AIMP2: variants seen among roughly 807,000 people sequenced by gnomAD.
AIMP2 encodes aminoacyl tRNA synthase complex-interacting multifunctional protein 2.
AIMP2 carries 20 observed loss-of-function variants against 23.4 expected under a neutral mutation model. That is an observed-to-expected ratio of 0.85 (90% confidence interval 0.60 to 1.24). The LOEUF is 1.24. AIMP2 is among the 50% of genes most tolerant of loss of function. The pLI is 0.00. For synonymous variants in AIMP2, 210 were observed against 170.4 expected (o/e 1.23, Z -1.81); for missense variants, 515 against 414.5 (o/e 1.24, Z -2.10).
Position 6,016,525 on chromosome 7 carries a change from G to A in AIMP2, c.342+1173G>A, listed in dbSNP as rs144923069. On this transcript the variant is annotated intron_variant, in intron 2 of 3. Coordinates refer to ENST00000223029, the MANE Select transcript of AIMP2 (RefSeq NM_006303.4). Reference sequence around the variant, plus strand: ...GGCATGCACTGAGGACTCAGATGAGGTGCAACCAGGCCCTCAGGGAGCCGG... The same window carrying A: ...GGCATGCACTGAGGACTCAGATGAGATGCAACCAGGCCCTCAGGGAGCCGG... 2.4e-3 allele frequency among the ~76,000 whole-genome samples: 365 copies of A among 152,274 alleles called. 2 individuals carry two copies. Among genetic ancestry groups the A allele is most frequent in the Non-Finnish European group, 2.9e-3 (197 of 68,038 alleles).
rs756425703 is a variant in AIMP2 at position 6,023,356 on chromosome 7, G to A, written c.628G>A (p.Glu210Lys). Reference protein sequence around the residue: ...SIQTMCPIEGEGNIARFLFSL... With the variant: ...SIQTMCPIEGKGNIARFLFSL... ...CCAGACGATGTGCCCCATCGAAGGC[G>A]AAGGGAACATTGCACGTTTCTTGTT... The change falls in exon 4 of 4, where the codon GAA (glutamate) becomes AAA (lysine). Residue 210 changes from glutamate (E) to lysine (K), a missense_variant. Coordinates refer to ENST00000223029, the MANE Select transcript of AIMP2 (RefSeq NM_006303.4). 47 of 1,612,764 alleles carry A rather than the reference G, an allele frequency of 2.9e-5. No homozygotes were observed. The highest frequency in any genetic ancestry group is 6.7e-5 in the African/African-American group (5 of 74,836).
At chr7:6,013,242 T>C (rs1198050846) in intron 1 of AIMP2, 1 of 147,974 alleles carries the variant, frequency 6.8e-6, no homozygotes, top group African/African-American at 2.5e-5. Flanking sequence ...GGGGGAGACA[T>C]TGACAATATC....
intron 1 of AIMP2, chr7:6,012,720 CAG>C: frequency 1.6e-6 from 1 of 617,784 alleles, no homozygotes; most frequent in Non-Finnish European, 2.4e-6. Context: ...CCACCAAGCC[CAG>C]CTAATTTTTG....
chr7:6,017,801 G>T lies in AIMP2; in HGVS notation c.343-13G>T. On this transcript the variant is annotated splice_polypyrimidine_tract_variant and intron_variant, in intron 2 of 3. Coordinates refer to ENST00000223029, the MANE Select transcript of AIMP2 (RefSeq NM_006303.4). Reference sequence around the variant, plus strand: ...ATGACTGTTATTCGTACATTGTCTTGGTCTTTCCCCAGGATTACGGGGCGC... The same window carrying T: ...ATGACTGTTATTCGTACATTGTCTTTGTCTTTCCCCAGGATTACGGGGCGC... The T allele has an allele frequency of 6.2e-7, 1 of 1,608,410 alleles. No homozygotes were observed. The highest frequency in any genetic ancestry group is 8.5e-7 in the Non-Finnish European group (1 of 1,176,354).
At chr7:6,018,072 TAC>T (rs773597195) in intron 3 of AIMP2, 27 bp downstream of exon 3, 1 of 1,569,270 alleles carries the variant, frequency 6.4e-7, no homozygotes, top group Admixed American at 1.7e-5. Context: ...GAGTTCAACT[TAC>T]ACACAGCTGC....
intron 2 of AIMP2, among the ~76,000 whole-genome samples, chr7:6,017,535 A>AAG (rs1787096851): frequency 6.6e-6 from 1 of 151,544 alleles, no homozygotes; most frequent in Admixed American, 6.6e-5. Flanking sequence ...AAAAAAAAAA[A>AAG]AAGTGTCATT....
chr7:6,014,802 C>G (rs541904522), intron 1 of AIMP2: 28 of 251,480 alleles, frequency 1.1e-4, no homozygotes, highest in Admixed American at 5.0e-4. Flanking sequence ...TCACTGCAAC[C>G]TCCACCTCCT....
chr7:6,023,680 C>T lies in AIMP2; in HGVS notation c.952C>T (p.Leu318Phe), dbSNP rs1420707837. Reference protein sequence around the residue: ...NLAPFNTALKLLK With the variant: ...NLAPFNTALKFLK ...GGCTCCTTTTAACACGGCCCTCAAG[C>T]TCCTTAAGTGAATTGCCGTAACTGA... The change falls in exon 4 of 4, where the codon CTC becomes TTC. Residue 318 changes from leucine (L) to phenylalanine (F), a missense_variant. Transcript: ENST00000223029. 1.1e-5 allele frequency: 18 copies of T among 1,613,994 alleles called. No individual in the cohort carries two copies. Among genetic ancestry groups the T allele is most frequent in the Admixed American group, 1.7e-5 (1 of 59,974 alleles).
chr7:6,021,307 C>T (rs933294404), intron 3 of AIMP2, among the ~76,000 whole-genome samples: 1 of 142,392 alleles, frequency 7.0e-6, no homozygotes, highest in African/African-American at 2.6e-5. Flanking sequence ...CCACTGCACT[C>T]CAGCCTGGGT....
At chr7:6,021,283 G>A (rs1787390929) in intron 3 of AIMP2, among the ~76,000 whole-genome samples, 1 of 141,962 alleles carries the variant, frequency 7.0e-6, no homozygotes, top group South Asian at 2.3e-4. Flanking sequence ...GGTGAAGGTT[G>A]TAGTGAGATC....
intron 3 of AIMP2, among the ~76,000 whole-genome samples, chr7:6,018,865 C>A (rs1787200546): frequency 6.6e-6 from 1 of 151,588 alleles, no homozygotes; most frequent in South Asian, 2.1e-4. Context: ...AATATCAAAA[C>A]AAGAAAAAGA....
At chr7:6,018,450 CAT>C (rs1385107558) in intron 3 of AIMP2, among the ~76,000 whole-genome samples, 58 of 151,616 alleles carry the variant, frequency 3.8e-4, no homozygotes, top group African/African-American at 1.1e-3. Flanking sequence ...GCCCGGGCCT[CAT>C]GTGGATTTTT....
Position 6,023,796 on chromosome 7 carries a change from G to C in AIMP2, c.*105G>C. On this transcript the variant is annotated 3_prime_UTR_variant, in exon 4 of 4. Transcript: ENST00000223029. ...TTAGAGTCAGAGTCTTTTTATTTAG[G>C]CCAGTTGTCAAGTGTCAATAAAAGC... 6.3e-7 allele frequency: 1 copy of C among 1,589,324 alleles called. No individual in the cohort carries two copies. Among genetic ancestry groups the C allele is most frequent in the Admixed American group, 1.8e-5 (1 of 55,476 alleles).
At chr7:6,014,893 T>C in intron 1 of AIMP2, 2 of 543,964 alleles carry the variant, frequency 3.7e-6, no homozygotes, top group South Asian at 2.2e-5. Flanking sequence ...CTAATTTTTG[T>C]ATTTCTAGTA....
At position 6,015,247 on chromosome 7, in the gene AIMP2, G is replaced by A; in HGVS notation, c.237G>A (p.Met79Ile). 2 of 1,614,178 alleles carry A rather than the reference G, an allele frequency of 1.2e-6. No individual in the cohort carries two copies. Among genetic ancestry groups the A allele is most frequent in the Non-Finnish European group, 1.7e-6 (2 of 1,180,040 alleles). The change falls in exon 2 of 4, where the codon ATG (methionine) becomes ATA (isoleucine). Residue 79 changes from methionine to isoleucine, a missense_variant. Met to Ile is a conservative substitution (Grantham distance 10, BLOSUM62 1). Coordinates refer to ENST00000223029, the MANE Select transcript of AIMP2 (RefSeq NM_006303.4). ...LKAAVDGLSKMIQTPDADLDV... is the reference protein window; with the variant it reads ...LKAAVDGLSKIIQTPDADLDV... ...CTGCAGTTGATGGCCTCTCCAAGAT[G>A]ATTCAAACACCAGATGCAGACTTGG... is the stretch of plus-strand genomic sequence containing the variant.
At chr7:6,017,137 T>A (rs1488281631) in intron 2 of AIMP2, 1 of 152,186 alleles carries the variant, frequency 6.6e-6, no homozygotes, top group East Asian at 1.9e-4. Flanking sequence ...CATGGAAACA[T>A]CTTAATGAAC....
At position 6,014,288 on chromosome 7, in the gene AIMP2, T is replaced by C. The variant is rs60800454; in HGVS notation, c.136-858T>C. On this transcript the variant is annotated intron_variant, in intron 1 of 3. Coordinates refer to ENST00000223029, the MANE Select transcript of AIMP2 (RefSeq NM_006303.4). ...TTTTTTTTTTTTTGAGACGGTGTCT[T>C]GCTCTGTCGCCCAGGCTGGAGTTCA... 9.7e-3 allele frequency among the ~76,000 whole-genome samples: 1,389 copies of C among 143,728 alleles called. 26 individuals are homozygous for C. Among genetic ancestry groups the C allele is most frequent in the African/African-American group, 0.034 (1,321 of 38,592 alleles). The allele number at this position is 143,728 out of a possible 152,430, so 94.3% of individuals were successfully genotyped here.
intron 1 of AIMP2, chr7:6,012,799 G>A (rs1157866457): frequency 3.0e-6 from 3 of 1,016,680 alleles, no homozygotes; most frequent in Non-Finnish European, 2.4e-6. Context: ...TGATCCACCC[G>A]CCTCGCCCTT....
chr7:6,011,165 G>T lies in AIMP2; in HGVS notation c.135+1667G>T, dbSNP rs77199218. ...CTGCAGTGAATACTCTTATACAGAG[G>T]AGCAGGCATGGGGTATGTACTAATG... On this transcript the variant is annotated intron_variant, in intron 1 of 3. Transcript: ENST00000223029. Among the ~76,000 whole-genome samples the T allele has an allele frequency of 0.057, 8,617 of 152,144 alleles. 579 individuals carry two copies. The highest frequency in any genetic ancestry group is 0.35 in the East Asian group (1,829 of 5,172).
Sources: gnomAD v4.1 joint callset for allele counts (sites outside exome capture counted in the v4.1 genomes callset) on GRCh38, gnomAD v4.1.1 for gene constraint, MANE v1.5 for transcripts, NCBI Gene and HGNC (gene_info 2026-07-23, HGNC 2026-07-21) for gene names.